The following XKR4 variants were observed in gnomAD, a reference collection of about 807,000 sequenced individuals.
The protein encoded by XKR4 is XK-related protein 4.
A neutral mutation model predicts 53.9 loss-of-function variants in XKR4; 12 were observed. The observed-to-expected ratio is 0.22, with a 90% CI of 0.14 to 0.36. The LOEUF (loss-of-function observed/expected upper bound fraction) is 0.36. Ranked by LOEUF, XKR4 falls within the 10% of genes least tolerant of loss-of-function variation. The pLI, the probability that XKR4 is intolerant of heterozygous loss-of-function variation, is 1.00. For missense variants in XKR4, 799 were observed against 859.5 expected, an observed-to-expected ratio of 0.93 and a Z score of 0.88; for synonymous variants, 354 against 362.4, an observed-to-expected ratio of 0.98 and a Z score of 0.26.
chr8:55,393,412 AAGGAAGGAAGGAAG>A (rs1804470424), intron 2 of XKR4, among the ~76,000 whole-genome samples: 1 of 26,168 alleles, frequency 3.8e-5, no homozygotes, highest in African/African-American at 1.4e-4. Flanking sequence ...AGAAGGAAGG[AAGGAAGGAAGGAAG>A]GAAGGAAGGA....
At chr8:55,226,924 C>T (rs771775671) in intron 1 of XKR4, among the ~76,000 whole-genome samples, 67 of 152,160 alleles carry the variant, frequency 4.4e-4, no homozygotes, top group Non-Finnish European at 8.8e-4. Context: ...GCAAAATATG[C>T]GAGGACCTTG....
At chr8:55,463,375 A>T (rs1012246125) in intron 2 of XKR4, among the ~76,000 whole-genome samples, 4 of 151,764 alleles carry the variant, frequency 2.6e-5, no homozygotes, top group Non-Finnish European at 1.5e-5. Flanking sequence ...CTGAATGACT[A>T]CGGGGTACAT....
intron 1 of XKR4, among the ~76,000 whole-genome samples, chr8:55,348,612 C>T (rs1803683165): frequency 6.6e-6 from 1 of 151,290 alleles, no homozygotes; most frequent in Non-Finnish European, 1.5e-5. Flanking sequence ...ACAATACAAT[C>T]CAGGAAGGAC....
intron 1 of XKR4, among the ~76,000 whole-genome samples, chr8:55,241,403 A>C (rs1305029399): frequency 1.3e-5 from 2 of 152,050 alleles, no homozygotes; most frequent in African/African-American, 4.8e-5. Flanking sequence ...AGTGAATAAG[A>C]GTTATTTTTT....
intron 1 of XKR4, among the ~76,000 whole-genome samples, chr8:55,119,873 T>A (rs78939131): frequency 6.6e-6 from 1 of 152,202 alleles, no homozygotes; most frequent in African/African-American, 2.4e-5. Context: ...GAACTCTACT[T>A]AATGAATTAT....
chr8:55,298,480 G>T (rs901346906), intron 1 of XKR4, among the ~76,000 whole-genome samples: 3 of 152,204 alleles, frequency 2.0e-5, no homozygotes, highest in South Asian at 4.2e-4. Flanking sequence ...ATGGCAGAAG[G>T]CAAAAAGGAG....
At chr8:55,497,769 C>T (rs1806372887) in intron 2 of XKR4, among the ~76,000 whole-genome samples, 1 of 152,220 alleles carries the variant, frequency 6.6e-6, no homozygotes, top group Non-Finnish European at 1.5e-5. Flanking sequence ...CTTGTCCCTG[C>T]AGTCTAGTGA....
chr8:55,289,642 AAAGAAAGG>A (rs1250353683), intron 1 of XKR4, among the ~76,000 whole-genome samples: 3,872 of 105,850 alleles, frequency 0.037, 95 homozygotes, highest in Non-Finnish European at 0.051. Context: ...AGAAAGAAAG[AAAGAAAGG>A]AAGGAAGGAA....
intron 1 of XKR4, among the ~76,000 whole-genome samples, chr8:55,218,663 C>T (rs777888994): frequency 2.0e-4 from 31 of 152,110 alleles, no homozygotes; most frequent in Non-Finnish European, 3.7e-4. Context: ...CTTGTTTTTC[C>T]TTATGATATA....
intron 1 of XKR4, among the ~76,000 whole-genome samples, chr8:55,275,744 G>T (rs977842110): frequency 3.3e-5 from 5 of 152,132 alleles, no homozygotes; most frequent in Non-Finnish European, 5.9e-5. Flanking sequence ...AGGGTCCACT[G>T]GTTTATAAAG....
At chr8:55,256,953 G>C (rs1818446379) in intron 1 of XKR4, among the ~76,000 whole-genome samples, 2 of 152,202 alleles carry the variant, frequency 1.3e-5, no homozygotes, top group East Asian at 3.8e-4. Context: ...GGTGTCTGGT[G>C]AGGGCCCATT....
chr8:55,303,629 G>A (rs1377332155), intron 1 of XKR4, among the ~76,000 whole-genome samples: 4 of 152,148 alleles, frequency 2.6e-5, no homozygotes, highest in African/African-American at 9.7e-5. Flanking sequence ...TCTGGTCCTG[G>A]ACTTTTTTTG....
intron 1 of XKR4, among the ~76,000 whole-genome samples, chr8:55,327,842 C>T (rs1803316978): frequency 6.6e-6 from 1 of 152,120 alleles, no homozygotes; most frequent in South Asian, 2.1e-4. Flanking sequence ...TCTGTCCAAC[C>T]TTTCAACCAG....
intron 1 of XKR4, among the ~76,000 whole-genome samples, chr8:55,340,465 C>A (rs1803528083): frequency 6.6e-6 from 1 of 152,324 alleles, no homozygotes; most frequent in Admixed American, 6.5e-5. Context: ...AGCTTGTAAT[C>A]AAGTGAGACA....
At chr8:55,451,773 G>A (rs748006022) in intron 2 of XKR4, 6 of 1,074,420 alleles carry the variant, frequency 5.6e-6, no homozygotes, top group South Asian at 2.6e-5. Flanking sequence ...TGCTCAGGGG[G>A]CCCAGGCCAA....
chr8:55,327,353 C>CAA (rs764388702), intron 1 of XKR4, among the ~76,000 whole-genome samples: 6 of 135,752 alleles, frequency 4.4e-5, no homozygotes, highest in African/African-American at 1.3e-4. Flanking sequence ...TGAAGAAAGC[C>CAA]AAAAAAAAAA....
chr8:55,464,864 C>G (rs1035732739), intron 2 of XKR4, among the ~76,000 whole-genome samples: 4 of 152,242 alleles, frequency 2.6e-5, no homozygotes, highest in Admixed American at 6.5e-5. Flanking sequence ...AGAGCCAAAT[C>G]ATGAGTGAAC....
rs995100002 is a variant in XKR4, at chr8:55,533,821, T to C, written c.*9594T>C. 6.6e-6 allele frequency: 1 copy of C among 152,228 alleles called. No individual in the cohort carries two copies. Among genetic ancestry groups the C allele is most frequent in the African/African-American group, 2.4e-5 (1 of 41,454 alleles). The allele number at this position is 152,228 out of a possible 1,614,324, so 9.4% of individuals were successfully genotyped here. A position where few individuals can be genotyped will look rare whatever the true frequency, so the allele number is the denominator to read the frequency against. On this transcript the variant is annotated 3_prime_UTR_variant, in exon 3 of 3. Coordinates refer to ENST00000327381, the MANE Select transcript of XKR4 (RefSeq NM_052898.2). ...GCACTTCCGTTCAGCCGTAGTACCATGACGTGCACAGGCCTGAAGAGAAAT... is the reference window on the plus strand; with the variant it reads ...GCACTTCCGTTCAGCCGTAGTACCACGACGTGCACAGGCCTGAAGAGAAAT...
chr8:55,458,074 A>C (rs1805597249), intron 2 of XKR4, among the ~76,000 whole-genome samples: 1 of 152,234 alleles, frequency 6.6e-6, no homozygotes, highest in South Asian at 2.1e-4. Context: ...CTACAGCTGA[A>C]ACTCAATCCA....
Sources: allele counts gnomAD v4.1 joint callset (sites outside exome capture counted in the v4.1 genomes callset), GRCh38; gene constraint gnomAD v4.1.1; transcripts MANE v1.5; gene names NCBI Gene and HGNC (gene_info 2026-07-23, HGNC 2026-07-21).